The following SPTBN2 variants were observed in gnomAD, a reference collection of about 807,000 sequenced individuals.
SPTBN2 encodes the protein spectrin beta, non-erythrocytic 2, also known as spectrin beta chain, non-erythrocytic 2.
SPTBN2 carries 107 observed loss-of-function variants against 284.2 expected under a neutral mutation model. The observed-to-expected ratio is 0.38, with a 90% CI of 0.32 to 0.44. The LOEUF (loss-of-function observed/expected upper bound fraction) is 0.44, where lower values mean the gene tolerates loss of function less well. SPTBN2 is among the 20% of genes least tolerant of loss of function. The pLI is 1.00. For synonymous variants in SPTBN2, 1,289 were observed against 1,354.8 expected, an observed-to-expected ratio of 0.95 and a Z score of 1.07; for missense variants, 2,569 against 3,287.1, an observed-to-expected ratio of 0.78 and a Z score of 5.34.
intron 1 of SPTBN2, among the ~76,000 whole-genome samples, chr11:66,737,079 C>T (rs558399795): frequency 6.6e-6 from 1 of 152,344 alleles, no homozygotes; most frequent in South Asian, 2.1e-4. Flanking sequence ...AGATGCATGA[C>T]ACCTGGTACC....
At chr11:66,694,019 TG>T in intron 22 of SPTBN2, 119 bp downstream of exon 22, 1 of 1,370,534 alleles carries the variant, frequency 7.3e-7, no homozygotes, top group Non-Finnish European at 1.0e-6. Flanking sequence ...ATAGGGGAGA[TG>T]GTCAATGCCA....
rs1166383301 is a variant in SPTBN2, at chr11:66,691,334, G to T, written c.5515C>A (p.Gln1839Lys). ...GRDLNAAEAL[Q>K]RRHCAYEHDI... ...TGCTCGTAGGCACAGTGTCGGCGCT[G>T]CAGGGCCTCGGCAGCGTTGAGGTCG... The change falls in exon 27 of 38, where the codon CAG (glutamine) becomes AAG (lysine). Residue 1839 changes from glutamine to lysine, a missense_variant. Physicochemically the swap from Gln to Lys is moderately conservative, Grantham distance 53. Coordinates refer to ENST00000533211, the MANE Select transcript of SPTBN2 (RefSeq NM_006946.4). The surrounding 1 kb of genome is among the most constrained non-coding windows in gnomAD (Gnocchi z 8.0). The T allele has an allele frequency of 6.4e-7, 1 of 1,560,048 alleles. No homozygotes were observed. Among genetic ancestry groups the T allele is most frequent in the East Asian group, 2.3e-5 (1 of 44,212 alleles).
At chr11:66,689,284 T>G (rs1940372936) in intron 29 of SPTBN2, 104 bp from the exon 30 acceptor site, 1 of 1,240,458 alleles carries the variant, frequency 8.1e-7, no homozygotes, top group Middle Eastern at 1.9e-4. Flanking sequence ...TCTTTCTTTC[T>G]TTTTTTTGAG....
At chr11:66,740,223 C>T (rs1942886648) in intron 1 of SPTBN2, among the ~76,000 whole-genome samples, 1 of 152,048 alleles carries the variant, frequency 6.6e-6, no homozygotes. Context: ...GGAAGTTAGT[C>T]AGTATCATAG....
Position 66,714,298 on chromosome 11 carries a change from C to A in SPTBN2, c.575+18G>T. ...GGGTCACTGACCCTCCAGTGCCACA[C>A]GCCCAGGGTGTCCTCACCCTGCAGT... On this transcript the variant is annotated intron_variant, in intron 6 of 37. Transcript: ENST00000533211. 3 of 1,612,802 alleles carry A rather than the reference C, an allele frequency of 1.9e-6. No individual in the cohort carries two copies. The highest frequency in any genetic ancestry group is 1.7e-4 in the Middle Eastern group (1 of 6,060).
At chr11:66,695,564 C>A (rs1021477096) in intron 21 of SPTBN2, among the ~76,000 whole-genome samples, 2 of 151,830 alleles carry the variant, frequency 1.3e-5, no homozygotes, top group Non-Finnish European at 2.9e-5. Flanking sequence ...CTGGCCATAC[C>A]CCTTATTTTA....
intron 15 of SPTBN2, 140 bp from the exon 16 acceptor site, chr11:66,701,861 C>T: frequency 1.7e-6 from 2 of 1,203,562 alleles, no homozygotes; most frequent in Non-Finnish European, 2.3e-6. Flanking sequence ...TGCCTCTCAG[C>T]CTATGAGGTT....
chr11:66,699,678 A>G, intron 17 of SPTBN2, 70 bp from the exon 18 acceptor site: 1 of 1,527,670 alleles, frequency 6.5e-7, no homozygotes, highest in Non-Finnish European at 9.0e-7. Flanking sequence ...GGACCCACCC[A>G]GGGGCAAATC....
intron 15 of SPTBN2, among the ~76,000 whole-genome samples, chr11:66,702,457 G>A (rs115915522): frequency 0.011 from 1,638 of 151,920 alleles, 37 homozygotes; most frequent in African/African-American, 0.037. Flanking sequence ...GAGCCACCTC[G>A]CCTGGCCGAC....
chr11:66,687,655 G>A lies in SPTBN2; in HGVS notation c.6502-8C>T. 1 of 1,587,416 alleles carries A rather than the reference G, an allele frequency of 6.3e-7. No homozygotes were observed. Among genetic ancestry groups the A allele is most frequent in the Non-Finnish European group, 8.6e-7 (1 of 1,166,808 alleles). On this transcript the variant is annotated splice_region_variant and splice_polypyrimidine_tract_variant and intron_variant, in intron 34 of 37. Coordinates refer to ENST00000533211, the MANE Select transcript of SPTBN2 (RefSeq NM_006946.4). The surrounding 1 kb of genome is among the most constrained non-coding windows in gnomAD (Gnocchi z 5.2). ...GTCCCCTGAGCCAGGTCCCTGGGGG[G>A]GAATCAGTGTCAGTGTCAAAGGTTG...
intron 15 of SPTBN2, 55 bp downstream of exon 15, chr11:66,704,543 G>GCC: frequency 1.3e-6 from 2 of 1,550,576 alleles, no homozygotes; most frequent in Non-Finnish European, 1.8e-6. Flanking sequence ...CCACATCCTG[G>GCC]CCCCCCCACC....
chr11:66,697,957 G>C (rs892473464), intron 20 of SPTBN2, among the ~76,000 whole-genome samples: 3 of 152,198 alleles, frequency 2.0e-5, no homozygotes, highest in Admixed American at 2.0e-4. Flanking sequence ...CTTGAGAAAA[G>C]GAAAGTGTCT....
chr11:66,721,966 GA>G (rs750338827), intron 1 of SPTBN2, among the ~76,000 whole-genome samples: 8 of 151,822 alleles, frequency 5.3e-5, no homozygotes, highest in Non-Finnish European at 7.4e-5. Flanking sequence ...ATTATTGCTT[GA>G]ACCTGGGCGC....
Position 66,703,165 on chromosome 11 carries a change from C to T in SPTBN2, c.2678+1433G>A, listed in dbSNP as rs530397658. On this transcript the variant is annotated intron_variant, in intron 15 of 37. Coordinates refer to ENST00000533211, the MANE Select transcript of SPTBN2 (RefSeq NM_006946.4). ...GCACGATCTCAGCTCACTGCAGCCTCGACCTCTGGGCTCAAGCAATCCTCC... is the reference window on the plus strand; with the variant it reads ...GCACGATCTCAGCTCACTGCAGCCTTGACCTCTGGGCTCAAGCAATCCTCC... Among the ~76,000 whole-genome samples the T allele has an allele frequency of 4.6e-5, 7 of 151,748 alleles. No individual in the cohort carries two copies. The South Asian group carries it at 1.3e-3, about 27-fold the overall frequency.
intron 15 of SPTBN2, among the ~76,000 whole-genome samples, chr11:66,703,101 G>A (rs1941337899): frequency 6.6e-6 from 1 of 151,084 alleles, no homozygotes; most frequent in African/African-American, 2.4e-5. Flanking sequence ...ATTTTTTTGA[G>A]ACAGGGTCTT....
At chr11:66,706,165 A>G (rs1378517144) in intron 13 of SPTBN2, among the ~76,000 whole-genome samples, 1 of 151,072 alleles carries the variant, frequency 6.6e-6, no homozygotes, top group East Asian at 2.0e-4. Flanking sequence ...TCTCTCCCCA[A>G]TCCACCCTCC....
chr11:66,708,135 T>A lies in SPTBN2; in HGVS notation c.1350+6A>T. On this transcript the variant is annotated splice_donor_region_variant and intron_variant, in intron 12 of 37. Coordinates refer to ENST00000533211, the MANE Select transcript of SPTBN2 (RefSeq NM_006946.4). The surrounding 1 kb of genome is among the most constrained non-coding windows in gnomAD (Gnocchi z 4.4). Reference sequence around the variant, plus strand: ...GCCTAAGCATCCTAGGAGCCTCAAGTCCTACCTGGGACACGAGGCGCTGGT... The same window carrying A: ...GCCTAAGCATCCTAGGAGCCTCAAGACCTACCTGGGACACGAGGCGCTGGT... The A allele has an allele frequency of 6.2e-7, 1 of 1,613,208 alleles. No individual in the cohort carries two copies. Among genetic ancestry groups the A allele is most frequent in the Non-Finnish European group, 8.5e-7 (1 of 1,179,908 alleles).
At chr11:66,731,084 G>T (rs1252861771), upstream of SPTBN2, among the ~76,000 whole-genome samples, 3 of 152,192 alleles carry the variant, frequency 2.0e-5, no homozygotes, top group Non-Finnish European at 2.9e-5. Context: ...CATGTAAAAT[G>T]GCACCATAAT....
In SPTBN2 at chr11:66,707,898, G is replaced by A; in HGVS notation, c.1351-80C>T. 6.4e-7 allele frequency: 1 copy of A among 1,550,856 alleles called. No individual in the cohort carries two copies. The highest frequency in any genetic ancestry group is 8.7e-7 in the Non-Finnish European group (1 of 1,145,800). ...TGCTCCTCTGTCCTGCAGGGCACTTGGCCTGCAAGATCCCAGCTCCATGCG... is the reference window on the plus strand; with the variant it reads ...TGCTCCTCTGTCCTGCAGGGCACTTAGCCTGCAAGATCCCAGCTCCATGCG... On this transcript the variant is annotated intron_variant, in intron 12 of 37. Coordinates refer to ENST00000533211, the MANE Select transcript of SPTBN2 (RefSeq NM_006946.4). This position sits in a 1 kb window ranked among gnomAD's most constrained non-coding sequence, Gnocchi z 4.9.
Sources: allele counts gnomAD v4.1 joint callset (sites outside exome capture counted in the v4.1 genomes callset), GRCh38; gene constraint gnomAD v4.1.1; non-coding constraint Gnocchi (gnomAD v3.1); transcripts MANE v1.5; gene names NCBI Gene and HGNC (gene_info 2026-07-23, HGNC 2026-07-21).